Variants in DNAH12 observed in about 807,000 individuals in gnomAD.
The protein encoded by DNAH12 is dynein axonemal heavy chain 12.
A neutral mutation model predicts 371.5 loss-of-function variants in DNAH12; 285 were observed. That is an observed-to-expected ratio of 0.77 (90% CI 0.70 to 0.85). The LOEUF is 0.85. Ranked by LOEUF, DNAH12 falls within the 40% of genes least tolerant of loss-of-function variation. The pLI is 0.00. For missense variants in DNAH12, 3,611 were observed against 3,689.4 expected (o/e 0.98, Z 0.55); for synonymous variants, 1,200 against 1,213.0 (o/e 0.99, Z 0.22).
At chr3:57,349,531 C>G (rs1040124965) in intron 60 of DNAH12, among the ~76,000 whole-genome samples, 1 of 152,140 alleles carries the variant, frequency 6.6e-6, no homozygotes, top group Admixed American at 6.5e-5. Context: ...TATAGCAGCA[C>G]AATTTGCAAT....
At chr3:57,510,683 A>T in intron 5 of DNAH12, 107 bp downstream of exon 5, 1 of 956,132 alleles carries the variant, frequency 1.0e-6, no homozygotes, top group Non-Finnish European at 1.6e-6. Context: ...GATATAGTTT[A>T]AATACATAGT....
rs1426731835 is a variant in DNAH12 at position 57,461,527 on chromosome 3, C to T, written c.2698G>A (p.Gly900Ser). The change falls in exon 19 of 74, where the codon GGC becomes AGC. Residue 900 changes from glycine to serine, a missense_variant. Transcript: ENST00000495027. Reference protein sequence around the residue: ...DQIIKTQTMRGSPFIKPFEHE... With the variant: ...DQIIKTQTMRSSPFIKPFEHE... The stretch of plus-strand genomic sequence containing the variant: ...TCAAATGGTTTGATGAAAGGTGAGC[C>T]TCTCATTGTCTGAGTTTTTATAATT... The T allele has an allele frequency of 3.9e-6, 6 of 1,551,292 alleles. No individual in the cohort carries two copies. The South Asian group carries it at 5.9e-5, about 15-fold the overall frequency.
intron 70 of DNAH12, among the ~76,000 whole-genome samples, chr3:57,300,868 A>G (rs2107651790): frequency 6.6e-6 from 1 of 152,260 alleles, no homozygotes; most frequent in Admixed American, 6.5e-5. Context: ...GAATGGGGGC[A>G]GGCAGTGGAG....
At chr3:57,488,262 G>A (rs1270102304) in intron 12 of DNAH12, among the ~76,000 whole-genome samples, 15 of 151,916 alleles carry the variant, frequency 9.9e-5, no homozygotes, top group Admixed American at 8.5e-4. Context: ...GTGCCATCTC[G>A]GCTCACTGCA....
Position 57,445,058 on chromosome 3 carries a change from T to C in DNAH12, c.4425+116A>G. On this transcript the variant is annotated intron_variant, in intron 28 of 73. Coordinates refer to ENST00000495027, the MANE Select transcript of DNAH12 (RefSeq NM_001366028.2). ...CCCAAAAAACCATCATTTCAACCTC[T>C]TATGAAAAGACAAAGCTCAACCCTC... 3.9e-6 allele frequency: 5 copies of C among 1,272,138 alleles called. No homozygotes were observed. The South Asian group carries it at 8.2e-5, about 21-fold the overall frequency. 78.8% of individuals were successfully genotyped at this position (1,272,138 alleles called of 1,614,324 possible). A position where few individuals can be genotyped will look rare whatever the true frequency, so the allele number is the denominator to read the frequency against.
intron 45 of DNAH12, among the ~76,000 whole-genome samples, chr3:57,390,752 T>C (rs1269817713): frequency 1.4e-5 from 2 of 145,406 alleles, no homozygotes; most frequent in African/African-American, 4.9e-5. Flanking sequence ...GCTTCCAGCA[T>C]GACTGAAATT....
intron 17 of DNAH12, among the ~76,000 whole-genome samples, chr3:57,463,302 T>C (rs1270130780): frequency 1.3e-5 from 2 of 151,956 alleles, no homozygotes; most frequent in Non-Finnish European, 2.9e-5. Flanking sequence ...AGTATTATTT[T>C]AGAAATTCAA....
chr3:57,428,193 T>C lies in DNAH12; in HGVS notation c.5253+440A>G, dbSNP rs115601472. ...ATCCGCCCACCTCAGCTTCCCACAG[T>C]GTGCTGGGATTATAGGAGTGAGCCA... On this transcript the variant is annotated intron_variant, in intron 34 of 73. Coordinates refer to ENST00000495027, the MANE Select transcript of DNAH12 (RefSeq NM_001366028.2). The C allele has an allele frequency of 1.6e-3, 651 of 394,676 alleles. 2 individuals are homozygous for C. The highest frequency in any genetic ancestry group is 0.013 in the African/African-American group (605 of 44,930). The allele number at this position is 394,676 out of a possible 1,614,324, so 24.4% of individuals were successfully genotyped here. A position where few individuals can be genotyped will look rare whatever the true frequency, so the allele number is the denominator to read the frequency against.
At chr3:57,539,906 G>A (rs753588602) in intron 2 of DNAH12, among the ~76,000 whole-genome samples, 20 of 151,628 alleles carry the variant, frequency 1.3e-4, no homozygotes, top group Middle Eastern at 3.2e-3. Flanking sequence ...GTGAGCCACC[G>A]TGCCCGGCCC....
intron 35 of DNAH12, among the ~76,000 whole-genome samples, chr3:57,424,785 G>T: frequency 1.0e-5 from 1 of 100,152 alleles, no homozygotes; most frequent in Non-Finnish European, 1.9e-5. Context: ...ACTCTGCCCT[G>T]TCTCCAAAAA....
intron 55 of DNAH12, among the ~76,000 whole-genome samples, chr3:57,373,135 T>G (rs1441972863): frequency 2.0e-5 from 3 of 151,966 alleles, no homozygotes; most frequent in Non-Finnish European, 4.4e-5. Context: ...AGGTCATGAC[T>G]CTTTTTCTGA....
At chr3:57,471,932 T>C (rs1318699721) in intron 14 of DNAH12, among the ~76,000 whole-genome samples, 1 of 152,176 alleles carries the variant, frequency 6.6e-6, no homozygotes, top group East Asian at 1.9e-4. Flanking sequence ...ATATTATTAC[T>C]GGTATTATTA....
At chr3:57,488,964 G>A (rs537186800) in intron 12 of DNAH12, among the ~76,000 whole-genome samples, 5 of 150,826 alleles carry the variant, frequency 3.3e-5, no homozygotes, top group South Asian at 2.1e-4. Context: ...GTGTGTGCAC[G>A]TGCGTGTGTG....
intron 4 of DNAH12, among the ~76,000 whole-genome samples, chr3:57,516,752 A>G (rs895324177): frequency 2.0e-5 from 3 of 152,176 alleles, no homozygotes; most frequent in African/African-American, 7.2e-5. Flanking sequence ...GCCACAATCC[A>G]TCTTCTAAAG....
intron 52 of DNAH12, among the ~76,000 whole-genome samples, chr3:57,378,810 T>C (rs2063331571): frequency 1.3e-5 from 2 of 152,352 alleles, no homozygotes; most frequent in South Asian, 4.1e-4. Flanking sequence ...ATCAACTTTT[T>C]AATCTGGCAC....
At chr3:57,530,054 CTT>C (rs773309359) in intron 2 of DNAH12, among the ~76,000 whole-genome samples, 9 of 151,998 alleles carry the variant, frequency 5.9e-5, no homozygotes, top group African/African-American at 1.4e-4. Context: ...CAAAATTCCT[CTT>C]GTTATTGATT....
intron 60 of DNAH12, among the ~76,000 whole-genome samples, chr3:57,348,323 T>C (rs1326458638): frequency 6.6e-6 from 1 of 152,032 alleles, no homozygotes; most frequent in Non-Finnish European, 1.5e-5. Context: ...ACCATGGAGA[T>C]AACAAAAGAA....
At chr3:57,416,295 T>C (rs2153358089) in intron 37 of DNAH12, among the ~76,000 whole-genome samples, 1 of 152,298 alleles carries the variant, frequency 6.6e-6, no homozygotes, top group Non-Finnish European at 1.5e-5. Context: ...CCCGGCTATG[T>C]TGCCCATGCT....
chr3:57,460,909 G>T (rs986845258), intron 19 of DNAH12, among the ~76,000 whole-genome samples: 1 of 152,296 alleles, frequency 6.6e-6, no homozygotes, highest in African/African-American at 2.4e-5. Context: ...TAAGTGCAAA[G>T]TTCCAGAGCA....
Sources: gnomAD v4.1 joint callset for allele counts (sites outside exome capture counted in the v4.1 genomes callset) on GRCh38, gnomAD v4.1.1 for gene constraint, MANE v1.5 for transcripts, NCBI Gene and HGNC (gene_info 2026-07-23, HGNC 2026-07-21) for gene names.